The following S100Z variants were observed in gnomAD, a reference collection of about 807,000 sequenced individuals.
S100Z encodes the protein protein S100-Z.
In S100Z, 11 loss-of-function variants were observed where a neutral mutation model predicts 8.5. The ratio of observed to expected loss-of-function variants is 1.30; its 90% CI spans 0.82 to 2.15. S100Z has a LOEUF of 2.15. Among genes scored for constraint, S100Z ranks in the 30% most tolerant of loss-of-function variants. The pLI, the probability that S100Z is intolerant of heterozygous loss-of-function variation, is 0.00. For synonymous variants in S100Z, 34 were observed against 43.8 expected (o/e 0.78, Z 0.89); for missense variants, 126 against 117.9 (o/e 1.07, Z -0.32).
chr5:76,914,860 G>A (rs886429528), intron 4 of S100Z, among the ~76,000 whole-genome samples: 2 of 152,016 alleles, frequency 1.3e-5, no homozygotes, highest in South Asian at 2.1e-4. Context: ...GCGAGACCAC[G>A]AACCCACCAG....
At chr5:76,874,970 C>T (rs1028474916) in intron 2 of S100Z, among the ~76,000 whole-genome samples, 1 of 152,052 alleles carries the variant, frequency 6.6e-6, no homozygotes, top group East Asian at 1.9e-4. Context: ...CTGCAAACTC[C>T]GCCTCCCGGG....
At chr5:76,853,942 G>A (rs1049769187) in intron 1 of S100Z, among the ~76,000 whole-genome samples, 7 of 152,076 alleles carry the variant, frequency 4.6e-5, no homozygotes, top group African/African-American at 7.2e-5. Flanking sequence ...GTGAGGTAGC[G>A]TGAGATCTGG....
intron 4 of S100Z, among the ~76,000 whole-genome samples, chr5:76,902,865 A>G (rs1744283855): frequency 6.6e-6 from 1 of 152,174 alleles, no homozygotes; most frequent in African/African-American, 2.4e-5. Flanking sequence ...TTTTTAAAAC[A>G]AACATTCTTG....
At chr5:76,880,999 G>A (rs1421795607) in intron 4 of S100Z, among the ~76,000 whole-genome samples, 1 of 152,212 alleles carries the variant, frequency 6.6e-6, no homozygotes, top group Non-Finnish European at 1.5e-5. Flanking sequence ...ATATAGTGTG[G>A]TGGAGATAGC....
chr5:76,884,103 G>A (rs1032475743), intron 4 of S100Z, among the ~76,000 whole-genome samples: 7 of 152,176 alleles, frequency 4.6e-5, no homozygotes, highest in African/African-American at 7.2e-5. Context: ...GGAGCAAATT[G>A]GTTAATAAAA....
At chr5:76,911,580 A>G (rs1440103368) in intron 4 of S100Z, among the ~76,000 whole-genome samples, 1 of 152,218 alleles carries the variant, frequency 6.6e-6, no homozygotes, top group Non-Finnish European at 1.5e-5. Flanking sequence ...GCACTGGTCC[A>G]AGATCTAGGC....
chr5:76,886,571 G>A (rs973767726), intron 4 of S100Z, among the ~76,000 whole-genome samples: 1 of 152,162 alleles, frequency 6.6e-6, no homozygotes, highest in Non-Finnish European at 1.5e-5. Context: ...CCGCTGACCG[G>A]GGTCTTTGGC....
chr5:76,907,021 T>C (rs1480677478), intron 4 of S100Z, among the ~76,000 whole-genome samples: 72 of 108,694 alleles, frequency 6.6e-4, no homozygotes, highest in African/African-American at 3.2e-3. Context: ...TATATATATA[T>C]ATACATATAT....
chr5:76,866,650 G>A (rs1007204680), intron 1 of S100Z, among the ~76,000 whole-genome samples: 1 of 152,102 alleles, frequency 6.6e-6, no homozygotes, highest in East Asian at 1.9e-4. Flanking sequence ...CATTACAGTT[G>A]CCTGCAGTAT....
At chr5:76,853,704 GGATAA>G (rs1750795978) in intron 1 of S100Z, among the ~76,000 whole-genome samples, 1 of 151,946 alleles carries the variant, frequency 6.6e-6, no homozygotes, top group African/African-American at 2.4e-5. Context: ...GGCTGAGGCA[GGATAA>G]TTGCTTGAAC....
At chr5:76,882,229 A>T (rs1019486309) in intron 4 of S100Z, among the ~76,000 whole-genome samples, 1 of 152,172 alleles carries the variant, frequency 6.6e-6, no homozygotes, top group African/African-American at 2.4e-5. Flanking sequence ...GAGGGCCTCT[A>T]AAAGTATTAA....
rs112730280 is a variant in S100Z, at chr5:76,867,517, A to G, written c.-175-2649A>G. Among the ~76,000 whole-genome samples, 631 of 150,956 alleles carry G rather than the reference A, an allele frequency of 4.2e-3. 2 individuals are homozygous for G. The highest frequency in any genetic ancestry group is 6.4e-3 in the Non-Finnish European group (434 of 67,814). On this transcript the variant is annotated intron_variant, in intron 1 of 4. Coordinates refer to ENST00000317593, the MANE Select transcript of S100Z (RefSeq NM_130772.4). ...CATGACCAATGCCTCACTTACAAAT[A>G]TCTTTTCTCCTTTTGCTCCCACCTT...
intron 4 of S100Z, among the ~76,000 whole-genome samples, chr5:76,919,542 C>A (rs1744967980): frequency 7.4e-6 from 1 of 135,150 alleles, no homozygotes; most frequent in African/African-American, 2.8e-5. Context: ...CTCCCTCCCT[C>A]CCTCCCTCCC....
At chr5:76,925,918 G>C (rs1227405557), downstream of S100Z, among the ~76,000 whole-genome samples, 1 of 152,218 alleles carries the variant, frequency 6.6e-6, no homozygotes. Flanking sequence ...AGTGAGCCAA[G>C]ATTGTGTCAA....
At chr5:76,936,542 AT>A in the S100Z span, among the ~76,000 whole-genome samples, 5 of 151,792 alleles carry the variant, frequency 3.3e-5, no homozygotes, top group Admixed American at 6.6e-5. Flanking sequence ...AATCAAAAAA[AT>A]ATTTGTGAAG....
intron 4 of S100Z, among the ~76,000 whole-genome samples, chr5:76,908,297 G>A (rs1744526879): frequency 6.6e-6 from 1 of 152,190 alleles, no homozygotes; most frequent in Non-Finnish European, 1.5e-5. Flanking sequence ...CAAGTTGGTT[G>A]ACCCGGCAGC....
At chr5:76,915,913 C>G (rs1018398112) in intron 4 of S100Z, among the ~76,000 whole-genome samples, 2 of 152,046 alleles carry the variant, frequency 1.3e-5, no homozygotes, top group African/African-American at 4.8e-5. Context: ...TTACCTAACC[C>G]TAGCACTTTC....
chr5:76,882,488 G>T (rs1254890305), intron 4 of S100Z, among the ~76,000 whole-genome samples: 1 of 152,148 alleles, frequency 6.6e-6, no homozygotes, highest in Non-Finnish European at 1.5e-5. Flanking sequence ...GATCTGTGGG[G>T]TCAGCTAGGT....
intron 1 of S100Z, among the ~76,000 whole-genome samples, chr5:76,868,509 T>C (rs1355207857): frequency 1.0e-5 from 1 of 97,450 alleles, no homozygotes; most frequent in African/African-American, 4.4e-5. Context: ...AAATATGATA[T>C]AAATATAATA....
Sources: allele counts gnomAD v4.1 joint callset (sites outside exome capture counted in the v4.1 genomes callset), GRCh38; gene constraint gnomAD v4.1.1; transcripts MANE v1.5; gene names NCBI Gene and HGNC (gene_info 2026-07-23, HGNC 2026-07-21).